Variants in ARID1B observed in about 807,000 individuals in gnomAD.
ARID1B encodes AT-rich interaction domain 1B.
Under a neutral mutation model 212.3 loss-of-function variants are expected in ARID1B, and 30 were observed. The observed-to-expected ratio is 0.14, with a 90% CI of 0.11 to 0.19. The LOEUF is 0.19. ARID1B is among the 10% of genes least tolerant of loss of function. The pLI is 1.00. For synonymous variants in ARID1B, 1,402 were observed against 1,301.7 expected (o/e 1.08, Z -1.66); for missense variants, 2,891 against 3,204.0 (o/e 0.90, Z 2.36).
rs1781821808 is a variant in ARID1B, at chr6:156,814,425, AG to A, written c.1792-14801del. ...CTCAAAAACAAAAGCACCAATGTAA[AG>A]TACATCTGGTCTCCACAGGGGACTT... On this transcript the variant is annotated intron_variant, in intron 1 of 19. Transcript: ENST00000636930. Among the ~76,000 whole-genome samples the A allele has an allele frequency of 1.3e-5, 2 of 152,156 alleles. 1 individual carries two copies. Among genetic ancestry groups the A allele is most frequent in the South Asian group, 4.1e-4 (2 of 4,826 alleles).
chr6:157,027,487 G>A (rs1780735136), intron 4 of ARID1B, among the ~76,000 whole-genome samples: 1 of 152,216 alleles, frequency 6.6e-6, no homozygotes, highest in Admixed American at 6.5e-5. Context: ...TTTGTCATCT[G>A]TTAGTTTTTT....
chr6:156,847,803 A>C (rs948662019), intron 2 of ARID1B, among the ~76,000 whole-genome samples: 7 of 152,186 alleles, frequency 4.6e-5, no homozygotes, highest in African/African-American at 1.4e-4. Flanking sequence ...TTCGAAAAGA[A>C]ATTTCTGACT....
At chr6:156,958,721 C>G (rs1794142613) in intron 4 of ARID1B, among the ~76,000 whole-genome samples, 1 of 151,980 alleles carries the variant, frequency 6.6e-6, no homozygotes, top group South Asian at 2.1e-4. Flanking sequence ...TAATCGTCTT[C>G]CTCCTTCCTT....
At chr6:156,787,503 C>T (rs185748701) in intron 1 of ARID1B, among the ~76,000 whole-genome samples, 2 of 152,312 alleles carry the variant, frequency 1.3e-5, no homozygotes, top group Admixed American at 1.3e-4. Context: ...CATTTAGAAG[C>T]TGGCGTCTAA....
chr6:157,168,505 A>T (rs1791491654), intron 9 of ARID1B: 1 of 152,174 alleles, frequency 6.6e-6, no homozygotes, highest in South Asian at 2.1e-4. Context: ...TTGGGTTGTG[A>T]CATACTATGT....
chr6:157,115,028 A>C (rs984742691), intron 6 of ARID1B, among the ~76,000 whole-genome samples: 1 of 152,178 alleles, frequency 6.6e-6, no homozygotes, highest in African/African-American at 2.4e-5. Flanking sequence ...AGGTTCTGCA[A>C]ACCTCTGGTG....
chr6:156,982,923 A>G (rs998222548), intron 4 of ARID1B, among the ~76,000 whole-genome samples: 3 of 151,966 alleles, frequency 2.0e-5, no homozygotes, highest in African/African-American at 7.3e-5. Context: ...CTTTGTTCCT[A>G]TTTAAGAGTG....
chr6:157,158,902 G>A (rs1443191675), intron 8 of ARID1B, among the ~76,000 whole-genome samples: 3 of 152,164 alleles, frequency 2.0e-5, no homozygotes, highest in Admixed American at 6.5e-5. Flanking sequence ...TTCTCTCTGT[G>A]GGTGACATCC....
intron 4 of ARID1B, among the ~76,000 whole-genome samples, chr6:156,974,838 C>G (rs1777129585): frequency 6.6e-6 from 1 of 152,220 alleles, no homozygotes; most frequent in Admixed American, 6.5e-5. Context: ...CACTGTCTCT[C>G]CCTTCTCTGC....
intron 4 of ARID1B, among the ~76,000 whole-genome samples, chr6:156,969,456 A>G (rs1197836568): frequency 1.3e-5 from 2 of 152,332 alleles, no homozygotes; most frequent in East Asian, 1.9e-4. Flanking sequence ...GAAGGAGTGC[A>G]GTCTGGGTTC....
chr6:157,083,040 C>T (rs186725539), intron 4 of ARID1B, among the ~76,000 whole-genome samples: 60 of 152,220 alleles, frequency 3.9e-4, no homozygotes, highest in Admixed American at 2.4e-3. Context: ...TGCTTTGTGA[C>T]GTTTCAGGAA....
intron 3 of ARID1B, among the ~76,000 whole-genome samples, chr6:156,909,917 C>T: frequency 6.6e-6 from 1 of 152,188 alleles, no homozygotes; most frequent in Admixed American, 6.5e-5. Flanking sequence ...CCATCAGCTA[C>T]AGCTGAGGCT....
At chr6:156,951,325 G>T (rs1793569921) in intron 4 of ARID1B, among the ~76,000 whole-genome samples, 1 of 152,158 alleles carries the variant, frequency 6.6e-6, no homozygotes, top group Non-Finnish European at 1.5e-5. Flanking sequence ...AACAAACCAT[G>T]ATAATGCAGT....
At chr6:156,823,262 A>G (rs759497566) in intron 1 of ARID1B, among the ~76,000 whole-genome samples, 21 of 152,198 alleles carry the variant, frequency 1.4e-4, no homozygotes, top group Non-Finnish European at 3.1e-4. Context: ...AGGTGCTGCC[A>G]TAGCCCCTGT....
intron 2 of ARID1B, among the ~76,000 whole-genome samples, chr6:156,878,619 ACTCTAGTTT>A (rs1786788231): frequency 6.6e-6 from 1 of 152,096 alleles, no homozygotes; most frequent in Admixed American, 6.6e-5. Context: ...AACTCCAGTT[ACTCTAGTTT>A]CTAGTTTGGG....
intron 7 of ARID1B, chr6:157,141,408 T>G (rs907277516): frequency 2.0e-5 from 3 of 152,264 alleles, no homozygotes; most frequent in Non-Finnish European, 4.4e-5. Flanking sequence ...AAATGCATAT[T>G]GACCTAAGAG....
chr6:156,795,088 T>C, intron 1 of ARID1B, among the ~76,000 whole-genome samples: 1 of 152,234 alleles, frequency 6.6e-6, no homozygotes, highest in East Asian at 1.9e-4. Context: ...GTCTGGGTCA[T>C]TGCATAGTTA....
chr6:157,108,785 G>C (rs906043687), intron 5 of ARID1B, among the ~76,000 whole-genome samples: 4 of 152,314 alleles, frequency 2.6e-5, no homozygotes, highest in African/African-American at 9.6e-5. Context: ...TATGCTGTTT[G>C]TCCAGGTCTT....
At chr6:156,968,667 T>A (rs540639045) in intron 4 of ARID1B, among the ~76,000 whole-genome samples, 3 of 152,304 alleles carry the variant, frequency 2.0e-5, no homozygotes, top group African/African-American at 7.2e-5. Context: ...GGTTATAGGA[T>A]TGTAGTCTGC....
Sources: gnomAD v4.1 joint callset for allele counts (sites outside exome capture counted in the v4.1 genomes callset) on GRCh38, gnomAD v4.1.1 for gene constraint, MANE v1.5 for transcripts, NCBI Gene and HGNC (gene_info 2026-07-23, HGNC 2026-07-21) for gene names.